The following RAB27A variants were observed in gnomAD, a reference collection of about 807,000 sequenced individuals.
The protein encoded by RAB27A is RAB27A, member RAS oncogene family, also known as ras-related protein Rab-27A.
A neutral mutation model predicts 20.8 loss-of-function variants in RAB27A; 17 were observed. The ratio of observed to expected loss-of-function variants is 0.82; its 90% CI spans 0.56 to 1.23. RAB27A has a LOEUF of 1.23. Ranked by LOEUF, RAB27A falls within the 50% of genes most tolerant of loss-of-function variation. The probability of loss-of-function intolerance (pLI) is 0.00; values close to 1 mark genes in which losing one functional copy is unlikely to be tolerated. For missense variants in RAB27A, 277 were observed against 266.7 expected (o/e 1.04, Z -0.27); for synonymous variants, 85 against 92.8 (o/e 0.92, Z 0.48).
chr15:55,210,324 A>G (rs1288075026), intron 6 of RAB27A, among the ~76,000 whole-genome samples: 2 of 148,032 alleles, frequency 1.4e-5, no homozygotes, highest in Non-Finnish European at 3.0e-5. Flanking sequence ...CACAGTGCTT[A>G]TGCTAATTTA....
chr15:55,300,853 T>C (rs554577259), intron 2 of RAB27A, among the ~76,000 whole-genome samples: 39 of 137,138 alleles, frequency 2.8e-4, no homozygotes, highest in African/African-American at 1.1e-3. Context: ...TTTCACAGAC[T>C]TCATAGACTT....
intron 2 of RAB27A, among the ~76,000 whole-genome samples, chr15:55,264,489 C>A (rs1897390328): frequency 6.6e-6 from 1 of 152,136 alleles, no homozygotes; most frequent in Admixed American, 6.5e-5. Context: ...GAAAAATAAA[C>A]TTGGCTCAAA....
At chr15:55,214,279 A>G (rs1442129874) in intron 6 of RAB27A, among the ~76,000 whole-genome samples, 1 of 152,230 alleles carries the variant, frequency 6.6e-6, no homozygotes, top group Non-Finnish European at 1.5e-5. Flanking sequence ...TACTAAAAAT[A>G]CAAAAAATTA....
intron 1 of RAB27A, among the ~76,000 whole-genome samples, chr15:55,281,873 G>A (rs1351180169): frequency 6.6e-6 from 1 of 152,126 alleles, no homozygotes; most frequent in Non-Finnish European, 1.5e-5. Flanking sequence ...TTAAGCAGAA[G>A]GATATGAATT....
At chr15:55,316,753 A>G (rs2055046243) in intron 1 of RAB27A, among the ~76,000 whole-genome samples, 1 of 152,164 alleles carries the variant, frequency 6.6e-6, no homozygotes, top group Non-Finnish European at 1.5e-5. Flanking sequence ...TAGTGGATTA[A>G]AAAACATCTG....
At chr15:55,297,689 C>G (rs2054955150) in intron 2 of RAB27A, among the ~76,000 whole-genome samples, 1 of 152,178 alleles carries the variant, frequency 6.6e-6, no homozygotes, top group African/African-American at 2.4e-5. Context: ...CTTGTCCCCA[C>G]CCAGGGCCCT....
At chr15:55,309,626 G>C (rs567678229) in intron 2 of RAB27A, among the ~76,000 whole-genome samples, 2 of 152,294 alleles carry the variant, frequency 1.3e-5, no homozygotes, top group Non-Finnish European at 2.9e-5. Flanking sequence ...CAAGAATTGA[G>C]AGTCAGGATG....
chr15:55,205,406 T>C lies in RAB27A; in HGVS notation c.*101A>G, dbSNP rs1595661407. 2 of 1,257,292 alleles carry C rather than the reference T, an allele frequency of 1.6e-6. No individual in the cohort carries two copies. The highest frequency in any genetic ancestry group is 1.7e-5 in the Admixed American group (1 of 59,532). 77.9% of individuals were successfully genotyped at this position (1,257,292 alleles called of 1,614,324 possible). A position where few individuals can be genotyped will look rare whatever the true frequency, so the allele number is the denominator to read the frequency against. On this transcript the variant is annotated 3_prime_UTR_variant, in exon 7 of 7. Transcript: ENST00000336787. ...TCTAATGGGGATGGTGAGAAGCAAT[T>C]TGTACACAATGCCCATTAATCTCTC...
chr15:55,226,749 T>C (rs967210670), intron 5 of RAB27A, among the ~76,000 whole-genome samples: 62 of 151,156 alleles, frequency 4.1e-4, no homozygotes, highest in African/African-American at 1.4e-3. Flanking sequence ...GCGCCTGTAA[T>C]CCCAGCTACT....
At chr15:55,304,631 G>T (rs1372581140) in intron 2 of RAB27A, among the ~76,000 whole-genome samples, 1 of 152,086 alleles carries the variant, frequency 6.6e-6, no homozygotes, top group Non-Finnish European at 1.5e-5. Flanking sequence ...GCCATCTTGT[G>T]CATGGCTTAT....
At chr15:55,227,373 A>G (rs1895851406) in intron 5 of RAB27A, among the ~76,000 whole-genome samples, 1 of 152,210 alleles carries the variant, frequency 6.6e-6, no homozygotes, top group Admixed American at 6.5e-5. Flanking sequence ...CAAAGGAGGG[A>G]TGATGAACAC....
chr15:55,258,621 T>C (rs371989756), intron 2 of RAB27A, among the ~76,000 whole-genome samples: 1 of 152,232 alleles, frequency 6.6e-6, no homozygotes, highest in Admixed American at 6.5e-5. Context: ...CAAATTGCTG[T>C]CCAATATAGT....
chr15:55,204,847 C>G lies in RAB27A; in HGVS notation c.*660G>C, dbSNP rs1246941697. The G allele has an allele frequency of 6.5e-6, 1 of 153,022 alleles. No individual in the cohort carries two copies. Among genetic ancestry groups the G allele is most frequent in the Non-Finnish European group, 1.5e-5 (1 of 68,742 alleles). The allele number at this position is 153,022 out of a possible 1,614,324, so 9.5% of individuals were successfully genotyped here. A position where few individuals can be genotyped will look rare whatever the true frequency, so the allele number is the denominator to read the frequency against. On this transcript the variant is annotated 3_prime_UTR_variant, in exon 7 of 7. Coordinates refer to ENST00000336787, the MANE Select transcript of RAB27A (RefSeq NM_183235.3). The stretch of plus-strand genomic sequence containing the variant: ...GGTTGCTCATATTACATTAAGCCAG[C>G]CTGCCCCACCCCAATCCCCTTCCCA...
chr15:55,303,229 C>G (rs1366837065), intron 2 of RAB27A, among the ~76,000 whole-genome samples: 8 of 93,600 alleles, frequency 8.5e-5, no homozygotes, highest in East Asian at 5.8e-4. Flanking sequence ...GCCCCTCAGC[C>G]CGGCCAGCCG....
At chr15:55,215,060 A>C (rs1448718537) in intron 6 of RAB27A, among the ~76,000 whole-genome samples, 1 of 152,210 alleles carries the variant, frequency 6.6e-6, no homozygotes, top group Non-Finnish European at 1.5e-5. Context: ...TGAAAAACTC[A>C]GATCTCCCGC....
chr15:55,288,384 G>A (rs930811228), intron 1 of RAB27A, among the ~76,000 whole-genome samples: 7 of 151,998 alleles, frequency 4.6e-5, no homozygotes, highest in Non-Finnish European at 1.0e-4. Flanking sequence ...AGCCAAGCAT[G>A]GTAGCACACA....
chr15:55,274,989 G>A (rs943537902), intron 1 of RAB27A, among the ~76,000 whole-genome samples: 4 of 151,328 alleles, frequency 2.6e-5, no homozygotes, highest in South Asian at 4.2e-4. Flanking sequence ...AGTGGCTCAC[G>A]CCTGTAATCC....
intron 5 of RAB27A, among the ~76,000 whole-genome samples, chr15:55,226,711 T>C (rs998883485): frequency 7.9e-5 from 12 of 150,996 alleles, no homozygotes; most frequent in African/African-American, 2.9e-4. Flanking sequence ...TCTACAAAAA[T>C]ACAAAAATTA....
At chr15:55,285,235 G>A (rs568977567) in intron 1 of RAB27A, among the ~76,000 whole-genome samples, 3 of 151,296 alleles carry the variant, frequency 2.0e-5, no homozygotes, top group East Asian at 3.9e-4. Context: ...CTCCACACAC[G>A]GGAGGTTGGC....
Sources: gnomAD v4.1 joint callset for allele counts (sites outside exome capture counted in the v4.1 genomes callset) on GRCh38, gnomAD v4.1.1 for gene constraint, MANE v1.5 for transcripts, NCBI Gene and HGNC (gene_info 2026-07-23, HGNC 2026-07-21) for gene names.